Variants in XKR9 observed in about 807,000 individuals in gnomAD.
XKR9 encodes the protein XK related 9.
In XKR9, 32 loss-of-function variants were observed where a neutral mutation model predicts 32.0. The ratio of observed to expected loss-of-function variants is 1.00; its 90% CI spans 0.76 to 1.34. XKR9 has a LOEUF of 1.34. Among genes scored for constraint, XKR9 ranks in the 40% most tolerant of loss-of-function variants. The probability of loss-of-function intolerance (pLI) is 0.00; values close to 1 mark genes in which losing one functional copy is unlikely to be tolerated. For missense variants in XKR9, 546 were observed against 429.7 expected (o/e 1.27, Z -2.39); for synonymous variants, 168 against 143.4 (o/e 1.17, Z -1.22).
At chr8:71,058,857 A>T in the XKR9 span, among the ~76,000 whole-genome samples, 2,889 of 151,924 alleles carry the variant, frequency 0.019, 40 homozygotes, top group South Asian at 0.047. Flanking sequence ...CAGAAAAGTG[A>T]AATAGAATAA....
the XKR9 span, among the ~76,000 whole-genome samples, chr8:71,029,605 C>T: frequency 6.6e-6 from 1 of 151,894 alleles, no homozygotes; most frequent in Admixed American, 6.6e-5. Flanking sequence ...AATTTTTGTT[C>T]AAGAAAACCC....
chr8:70,891,874 A>T, the XKR9 span, among the ~76,000 whole-genome samples: 1 of 151,972 alleles, frequency 6.6e-6, no homozygotes, highest in South Asian at 2.1e-4. Context: ...CCAAGCTATG[A>T]TTTCATTGGC....
At chr8:70,882,416 A>C in the XKR9 span, among the ~76,000 whole-genome samples, 1 of 151,850 alleles carries the variant, frequency 6.6e-6, no homozygotes, top group Non-Finnish European at 1.5e-5. Flanking sequence ...GAATTTTTCA[A>C]ATGCGTATAC....
chr8:70,960,714 A>C, the XKR9 span, among the ~76,000 whole-genome samples: 3 of 148,250 alleles, frequency 2.0e-5, no homozygotes, highest in Admixed American at 6.7e-5. Flanking sequence ...CAAAAAATAG[A>C]AAAAAAAAAT....
the XKR9 span, among the ~76,000 whole-genome samples, chr8:70,808,325 G>A: frequency 6.6e-6 from 1 of 152,130 alleles, no homozygotes; most frequent in Non-Finnish European, 1.5e-5. Flanking sequence ...AAAAAAGGAA[G>A]ATGGCCGAAT....
At chr8:71,030,504 T>C in the XKR9 span, among the ~76,000 whole-genome samples, 2 of 152,220 alleles carry the variant, frequency 1.3e-5, no homozygotes, top group South Asian at 2.1e-4. Flanking sequence ...TCTAATGATA[T>C]GATCTCAGGA....
At chr8:70,688,279 G>A (rs558773248) in intron 3 of XKR9, among the ~76,000 whole-genome samples, 2 of 152,296 alleles carry the variant, frequency 1.3e-5, no homozygotes, top group South Asian at 2.1e-4. Flanking sequence ...AGTTTTTGAT[G>A]TGACAAAATA....
the XKR9 span, among the ~76,000 whole-genome samples, chr8:71,056,025 C>T: frequency 6.6e-6 from 1 of 152,148 alleles, no homozygotes. Context: ...CTCTCTTTAA[C>T]CTGCCAAAAG....
the XKR9 span, among the ~76,000 whole-genome samples, chr8:70,877,423 T>G: frequency 5.3e-5 from 8 of 152,106 alleles, no homozygotes; most frequent in Non-Finnish European, 8.8e-5. Flanking sequence ...TCCATCCTCA[T>G]TTTACAGATT....
intron 3 of XKR9, among the ~76,000 whole-genome samples, chr8:70,704,563 A>G (rs1036128563): frequency 1.4e-4 from 22 of 152,206 alleles, no homozygotes; most frequent in Admixed American, 2.6e-4. Context: ...AGATTAAACC[A>G]GGAAGTAGTG....
At chr8:70,918,187 G>A in the XKR9 span, among the ~76,000 whole-genome samples, 1 of 152,200 alleles carries the variant, frequency 6.6e-6, no homozygotes, top group Admixed American at 6.5e-5. Context: ...TCACCAAGCA[G>A]CTATGCTGGT....
chr8:70,755,184 A>C (rs1319827200), intron 2 of XKR9, among the ~76,000 whole-genome samples: 1 of 152,258 alleles, frequency 6.6e-6, no homozygotes, highest in African/African-American at 2.4e-5. Flanking sequence ...GCCGTCAGAG[A>C]AATGCAAATC....
chr8:70,822,421 G>A, the XKR9 span, among the ~76,000 whole-genome samples: 1 of 151,772 alleles, frequency 6.6e-6, no homozygotes, highest in Non-Finnish European at 1.5e-5. Flanking sequence ...GTGGTTGTGA[G>A]TAATACATGT....
intron 4 of XKR9, among the ~76,000 whole-genome samples, chr8:70,727,185 T>C (rs1368260881): frequency 6.6e-6 from 1 of 152,192 alleles, no homozygotes; most frequent in Admixed American, 6.5e-5. Context: ...TTTTATCTTT[T>C]AGTTCCATTT....
At chr8:70,871,700 T>G in the XKR9 span, among the ~76,000 whole-genome samples, 3 of 152,162 alleles carry the variant, frequency 2.0e-5, no homozygotes, top group Non-Finnish European at 4.4e-5. Context: ...GTATTGAAAT[T>G]AGGCCACTTA....
chr8:71,005,237 T>A, the XKR9 span, among the ~76,000 whole-genome samples: 1 of 150,282 alleles, frequency 6.7e-6, no homozygotes, highest in Non-Finnish European at 1.5e-5. Flanking sequence ...TTTTTTTTTT[T>A]TTGAGACTGA....
the XKR9 span, among the ~76,000 whole-genome samples, chr8:70,978,870 A>G: frequency 6.6e-6 from 1 of 152,184 alleles, no homozygotes; most frequent in African/African-American, 2.4e-5. Context: ...TTTCCAGTAC[A>G]CCAATCAAGC....
chr8:70,671,145 A>T (rs1370823444), intron 1 of XKR9, among the ~76,000 whole-genome samples: 1 of 152,196 alleles, frequency 6.6e-6, no homozygotes, highest in Non-Finnish European at 1.5e-5. Flanking sequence ...GATTCAGGTG[A>T]TCCTCCTGCT....
the XKR9 span, among the ~76,000 whole-genome samples, chr8:70,954,093 T>TG: frequency 6.6e-6 from 1 of 152,054 alleles, no homozygotes; most frequent in African/African-American, 2.4e-5. Flanking sequence ...TCCACAACCT[T>TG]GGGAGAAAGT....
Sources: allele counts gnomAD v4.1 joint callset (sites outside exome capture counted in the v4.1 genomes callset), GRCh38; gene constraint gnomAD v4.1.1; transcripts MANE v1.5; gene names NCBI Gene and HGNC (gene_info 2026-07-23, HGNC 2026-07-21).